Variants in ANKFN1 observed in about 807,000 individuals in gnomAD.
ANKFN1 encodes ankyrin repeat and fibronectin type III domain containing 1, also known as ankyrin repeat and fibronectin type-III domain-containing protein 1.
A neutral mutation model predicts 108.7 loss-of-function variants in ANKFN1; 74 were observed. That is an observed-to-expected ratio of 0.68 (90% CI 0.56 to 0.83). ANKFN1 has a LOEUF of 0.83. Ranked by LOEUF, ANKFN1 falls within the 40% of genes least tolerant of loss-of-function variation. The probability of loss-of-function intolerance (pLI) is 0.00; values close to 1 mark genes in which losing one functional copy is unlikely to be tolerated. For synonymous variants in ANKFN1, 547 were observed against 516.2 expected, an observed-to-expected ratio of 1.06 and a Z score of -0.81; for missense variants, 1,505 against 1,382.3, an observed-to-expected ratio of 1.09 and a Z score of -1.41.
intron 3 of ANKFN1, among the ~76,000 whole-genome samples, chr17:56,306,067 A>C (rs1029334398): frequency 1.3e-5 from 2 of 152,232 alleles, no homozygotes; most frequent in Non-Finnish European, 2.9e-5. Flanking sequence ...GATACACAGT[A>C]ACTCTTGAAA....
intron 15 of ANKFN1, chr17:56,472,513 C>G (rs6505060): frequency 6.6e-6 from 1 of 152,180 alleles, no homozygotes; most frequent in African/African-American, 2.4e-5. Context: ...CCCTGAAGAC[C>G]AGCCCCAGAC....
In ANKFN1 at chr17:56,090,969, G is replaced by C. The variant is rs956104153; in HGVS notation, c.288+44644G>C. 1.1e-4 allele frequency among the ~76,000 whole-genome samples: 17 copies of C among 151,142 alleles called. 1 individual carries two copies. The highest frequency in any genetic ancestry group is 3.9e-4 in the African/African-American group (16 of 41,154). On this transcript the variant is annotated intron_variant, in intron 4 of 12. Transcript: ENST00000635860. Reference sequence around the variant, plus strand: ...CCAACGTGGTGTTTGCAAAAAGTATGAGGAATTCTGTGTCTCCATCTCTGG... The same window carrying C: ...CCAACGTGGTGTTTGCAAAAAGTATCAGGAATTCTGTGTCTCCATCTCTGG...
At chr17:56,327,032 T>C (rs1454532699) in intron 4 of ANKFN1, among the ~76,000 whole-genome samples, 3 of 152,188 alleles carry the variant, frequency 2.0e-5, no homozygotes, top group South Asian at 4.1e-4. Flanking sequence ...TGAGGTGTAC[T>C]GGGTTCAAAG....
chr17:56,209,034 A>T (rs1229785844), intron 1 of ANKFN1, among the ~76,000 whole-genome samples: 1 of 152,108 alleles, frequency 6.6e-6, no homozygotes, highest in Admixed American at 6.5e-5. Flanking sequence ...ACATGACTTT[A>T]AGAGCATTTA....
intron 19 of ANKFN1, among the ~76,000 whole-genome samples, chr17:56,493,473 G>A (rs1449942067): frequency 2.0e-5 from 3 of 152,118 alleles, no homozygotes; most frequent in African/African-American, 7.2e-5. Flanking sequence ...AGTATTTGGG[G>A]AATGATAAAT....
intron 4 of ANKFN1, among the ~76,000 whole-genome samples, chr17:56,333,614 T>G (rs2045724895): frequency 6.6e-6 from 1 of 150,978 alleles, no homozygotes; most frequent in South Asian, 2.1e-4. Flanking sequence ...TCCATGTTCA[T>G]GATAGACATT....
At chr17:56,075,486 T>C (rs1905170866) in intron 4 of ANKFN1, among the ~76,000 whole-genome samples, 1 of 152,118 alleles carries the variant, frequency 6.6e-6, no homozygotes, top group African/African-American at 2.4e-5. Flanking sequence ...AAATTGCACA[T>C]GCTCCAGCCC....
chr17:56,063,557 G>A (rs1835643), intron 4 of ANKFN1, among the ~76,000 whole-genome samples: 99,833 of 150,984 alleles, frequency 0.66, 34,307 homozygotes, highest in Non-Finnish European at 0.78. Flanking sequence ...TGATACTTGT[G>A]TATGCTTCAC....
At chr17:56,440,946 C>T (rs1351937250) in intron 9 of ANKFN1, among the ~76,000 whole-genome samples, 1 of 151,598 alleles carries the variant, frequency 6.6e-6, no homozygotes, top group Non-Finnish European at 1.5e-5. Context: ...TATGGTGGAG[C>T]TATGTTTCTC....
chr17:56,444,010 A>G (rs1199690907), intron 10 of ANKFN1, among the ~76,000 whole-genome samples: 1 of 152,252 alleles, frequency 6.6e-6, no homozygotes, highest in Non-Finnish European at 1.5e-5. Context: ...TTCTACGTCT[A>G]GGACTCTACC....
intron 8 of ANKFN1, among the ~76,000 whole-genome samples, chr17:56,393,266 T>C (rs2047490732): frequency 6.6e-6 from 1 of 152,146 alleles, no homozygotes; most frequent in Non-Finnish European, 1.5e-5. Flanking sequence ...CCAGTGGAAA[T>C]TTCTCATTCT....
At chr17:56,486,567 A>G (rs961583567) in intron 18 of ANKFN1, among the ~76,000 whole-genome samples, 1 of 152,188 alleles carries the variant, frequency 6.6e-6, no homozygotes, top group African/African-American at 2.4e-5. Flanking sequence ...ATGACACCTT[A>G]TATAGGAACT....
At chr17:56,286,342 A>T (rs2044216788) in intron 3 of ANKFN1, among the ~76,000 whole-genome samples, 1 of 152,162 alleles carries the variant, frequency 6.6e-6, no homozygotes, top group South Asian at 2.1e-4. Context: ...ATAGTCATTT[A>T]TTATCCCTTA....
chr17:56,137,556 G>T (rs16956733), intron 4 of ANKFN1, among the ~76,000 whole-genome samples: 1,564 of 152,152 alleles, frequency 0.01, 26 homozygotes, highest in African/African-American at 0.035. Context: ...AAACCAGGTG[G>T]GATATTGCCT....
chr17:56,336,305 C>T (rs1010785071), intron 4 of ANKFN1, among the ~76,000 whole-genome samples: 2 of 152,294 alleles, frequency 1.3e-5, no homozygotes, highest in Admixed American at 6.5e-5. Flanking sequence ...ACCAGCTCCT[C>T]TTTGTACCTC....
intron 3 of ANKFN1, among the ~76,000 whole-genome samples, chr17:56,306,460 G>A (rs572831969): frequency 1.4e-3 from 210 of 152,258 alleles, no homozygotes; most frequent in African/African-American, 4.8e-3. Flanking sequence ...CAAATCATGA[G>A]TGAACTCCCA....
At chr17:56,328,203 G>A (rs2045573897) in intron 4 of ANKFN1, among the ~76,000 whole-genome samples, 1 of 152,126 alleles carries the variant, frequency 6.6e-6, no homozygotes, top group South Asian at 2.1e-4. Context: ...GGTAGTTCAG[G>A]TATGGGTATA....
intron 2 of ANKFN1, among the ~76,000 whole-genome samples, chr17:56,215,979 G>A (rs1424757077): frequency 6.6e-6 from 1 of 152,176 alleles, no homozygotes; most frequent in Non-Finnish European, 1.5e-5. Context: ...ATAAAAAGAT[G>A]AGTAAACAGT....
intron 8 of ANKFN1, among the ~76,000 whole-genome samples, chr17:56,412,124 A>C (rs1208741763): frequency 6.6e-6 from 1 of 152,176 alleles, no homozygotes; most frequent in African/African-American, 2.4e-5. Context: ...ATTTTCTTTG[A>C]TGAGAAACAT....
Sources: allele counts gnomAD v4.1 joint callset (sites outside exome capture counted in the v4.1 genomes callset), GRCh38; gene constraint gnomAD v4.1.1; transcripts MANE v1.5; gene names NCBI Gene and HGNC (gene_info 2026-07-23, HGNC 2026-07-21).